ST18: variants seen among roughly 807,000 people sequenced by gnomAD.
ST18 encodes the protein suppression of tumorigenicity 18 protein.
ST18 carries 50 observed loss-of-function variants against 110.0 expected under a neutral mutation model. The ratio of observed to expected loss-of-function variants is 0.45; its 90% CI spans 0.36 to 0.58. ST18 has a LOEUF of 0.58. Among genes scored for constraint, ST18 ranks in the 20% least tolerant of loss-of-function variants. The probability of loss-of-function intolerance (pLI) is 0.00; values close to 1 mark genes in which losing one functional copy is unlikely to be tolerated. For synonymous variants in ST18, 461 were observed against 452.4 expected (o/e 1.02, Z -0.24); for missense variants, 1,306 against 1,280.1 (o/e 1.02, Z -0.31).
chr8:52,337,285 G>T (rs570135560), intron 2 of ST18, among the ~76,000 whole-genome samples: 2 of 152,278 alleles, frequency 1.3e-5, no homozygotes, highest in South Asian at 4.2e-4. Flanking sequence ...CACTGCAACC[G>T]CCAGGAAGTC....
intron 19 of ST18, among the ~76,000 whole-genome samples, chr8:52,135,540 C>G (rs2051721914): frequency 1.5e-5 from 2 of 136,310 alleles, no homozygotes; most frequent in South Asian, 4.6e-4. Context: ...AGCCTGGGCA[C>G]CTGGGCAACA....
rs1285100864 is a variant in ST18, at chr8:52,282,584, C to A, written c.-464-52507G>T. Among the ~76,000 whole-genome samples the A allele has an allele frequency of 2.6e-5, 4 of 152,126 alleles. No individual in the cohort carries two copies. In the East Asian group the frequency reaches 7.7e-4, roughly 29 times the overall value. ...TCACTGTATGTAGGGACCTCCCTGGCACCCCTGGTCTGCCTTGTGTAGGCT... is the reference window on the plus strand; with the variant it reads ...TCACTGTATGTAGGGACCTCCCTGGAACCCCTGGTCTGCCTTGTGTAGGCT... On this transcript the variant is annotated intron_variant, in intron 2 of 25. Transcript: ENST00000689386.
chr8:52,273,052 TAA>T (rs1251783470), intron 2 of ST18, among the ~76,000 whole-genome samples: 1 of 152,198 alleles, frequency 6.6e-6, no homozygotes, highest in African/African-American at 2.4e-5. Context: ...AGATTTCAGT[TAA>T]GTGTTTTCAA....
chr8:52,130,155 G>GAAAGAAAGAAAGAA (rs2048941999), intron 22 of ST18, among the ~76,000 whole-genome samples: 1 of 149,414 alleles, frequency 6.7e-6, no homozygotes, highest in Non-Finnish European at 1.5e-5. Flanking sequence ...AAGAAAGAAA[G>GAAAGAAAGAAAGAA]AAAGAAAGAA....
At position 52,209,887 on chromosome 8, in the gene ST18, A is replaced by G. The variant is rs904496277; in HGVS notation, c.86+2192T>C. On this transcript the variant is annotated intron_variant, in intron 8 of 25. Coordinates refer to ENST00000689386, the MANE Select transcript of ST18 (RefSeq NM_001352837.2). ...TATTTCTCCACATAGAGCACAGTAA[A>G]CATTTCTTCCCACAAATTTGCTTCT... 1.2e-5 allele frequency: 4 copies of G among 332,884 alleles called. No homozygotes were observed. The East Asian group carries it at 3.0e-4, about 25-fold the overall frequency. The allele number at this position is 332,884 out of a possible 1,614,324, so 20.6% of individuals were successfully genotyped here. A position where few individuals can be genotyped will look rare whatever the true frequency, so the allele number is the denominator to read the frequency against.
chr8:52,165,577 T>C (rs1470717227), intron 11 of ST18, among the ~76,000 whole-genome samples: 2 of 152,236 alleles, frequency 1.3e-5, no homozygotes, highest in African/African-American at 4.8e-5. Flanking sequence ...TAGTTCTTTC[T>C]ATCTTTTCCC....
At chr8:52,304,775 C>G (rs188765795) in intron 2 of ST18, among the ~76,000 whole-genome samples, 5 of 152,270 alleles carry the variant, frequency 3.3e-5, no homozygotes, top group Admixed American at 6.5e-5. Context: ...TAGCCAACGT[C>G]TGGGAAGGGC....
intron 2 of ST18, among the ~76,000 whole-genome samples, chr8:52,230,480 C>T (rs893213403): frequency 7.9e-5 from 12 of 152,048 alleles, no homozygotes; most frequent in African/African-American, 2.4e-4. Flanking sequence ...AGGAACAGCC[C>T]GCACGGCAGC....
At chr8:52,130,338 TTGAGTGCAG>T (rs2049076295) in intron 22 of ST18, among the ~76,000 whole-genome samples, 1 of 152,196 alleles carries the variant, frequency 6.6e-6, no homozygotes, top group South Asian at 2.1e-4. Flanking sequence ...GTCACCAGGC[TTGAGTGCAG>T]TGGAGCAATC....
intron 14 of ST18, among the ~76,000 whole-genome samples, chr8:52,160,680 G>A (rs965941084): frequency 1.3e-5 from 2 of 152,140 alleles, no homozygotes; most frequent in Admixed American, 6.5e-5. Flanking sequence ...GAATGTTTAA[G>A]GACCCCAACA....
intron 2 of ST18, among the ~76,000 whole-genome samples, chr8:52,380,718 A>G (rs1370242061): frequency 6.6e-6 from 1 of 152,180 alleles, no homozygotes; most frequent in Non-Finnish European, 1.5e-5. Flanking sequence ...TTAAAAAAAA[A>G]GTATTAATCT....
intron 17 of ST18, among the ~76,000 whole-genome samples, chr8:52,139,457 G>A (rs908852806): frequency 1.3e-5 from 2 of 152,086 alleles, no homozygotes; most frequent in Non-Finnish European, 2.9e-5. Context: ...CTGGGCTCAA[G>A]CGATTCTCCT....
rs148215398 is a variant in ST18 at position 52,397,912 on chromosome 8, G to C, written c.-465+11416C>G. 2.1e-3 allele frequency among the ~76,000 whole-genome samples: 321 copies of C among 151,930 alleles called. 2 individuals carry two copies. The highest frequency in any genetic ancestry group is 7.2e-3 in the African/African-American group (297 of 41,464). ...CTCTAATTTTGTTTTTCTTAGTATT[G>C]CTGTGGCTAGTCAGGCATTTCTGTG... On this transcript the variant is annotated intron_variant, in intron 2 of 25. Transcript: ENST00000689386.
intron 8 of ST18, among the ~76,000 whole-genome samples, chr8:52,211,574 T>A (rs1271720699): frequency 6.6e-6 from 1 of 152,026 alleles, no homozygotes; most frequent in Non-Finnish European, 1.5e-5. Flanking sequence ...GCCTGGCTAA[T>A]TTTTTATATT....
chr8:52,325,175 G>A (rs528792312), intron 2 of ST18, among the ~76,000 whole-genome samples: 4 of 152,276 alleles, frequency 2.6e-5, no homozygotes, highest in African/African-American at 9.6e-5. Context: ...AATCACAATG[G>A]TGGAGCTGCT....
At chr8:52,118,692 A>G (rs931826097) in intron 23 of ST18, among the ~76,000 whole-genome samples, 3 of 152,190 alleles carry the variant, frequency 2.0e-5, no homozygotes, top group Admixed American at 6.5e-5. Context: ...GGGTGCTGCC[A>G]GACCCATTTG....
chr8:52,297,182 TGG>T (rs1043265732), intron 2 of ST18, among the ~76,000 whole-genome samples: 1 of 152,102 alleles, frequency 6.6e-6, no homozygotes, highest in Admixed American at 6.5e-5. Context: ...GCGCAGGCTG[TGG>T]GGGGTGCAGT....
chr8:52,261,502 T>C (rs2094692925), intron 2 of ST18, among the ~76,000 whole-genome samples: 1 of 152,216 alleles, frequency 6.6e-6, no homozygotes, highest in Non-Finnish European at 1.5e-5. Flanking sequence ...CTATGTTAAC[T>C]TCAAAATATA....
At chr8:52,224,408 C>T (rs556032229) in intron 3 of ST18, among the ~76,000 whole-genome samples, 110 of 152,328 alleles carry the variant, frequency 7.2e-4, no homozygotes, top group African/African-American at 2.5e-3. Flanking sequence ...TGACTTTCTT[C>T]TGCCTAGCTT....
Sources: allele counts gnomAD v4.1 joint callset (sites outside exome capture counted in the v4.1 genomes callset), GRCh38; gene constraint gnomAD v4.1.1; transcripts MANE v1.5; gene names NCBI Gene and HGNC (gene_info 2026-07-23, HGNC 2026-07-21).